MLLT10: variants seen among roughly 807,000 people sequenced by gnomAD.
The protein encoded by MLLT10 is protein AF-10.
In MLLT10, 30 loss-of-function variants were observed where a neutral mutation model predicts 129.1. The observed-to-expected ratio is 0.23, with a 90% CI of 0.17 to 0.32. The LOEUF (loss-of-function observed/expected upper bound fraction) is 0.32. Ranked by LOEUF, MLLT10 falls within the 10% of genes least tolerant of loss-of-function variation. The probability of loss-of-function intolerance (pLI) is 1.00; values close to 1 mark genes in which losing one functional copy is unlikely to be tolerated. For missense variants in MLLT10, 1,119 were observed against 1,268.3 expected (o/e 0.88, Z 1.79); for synonymous variants, 490 against 446.4 (o/e 1.10, Z -1.23).
rs1158292006 is a variant in MLLT10, at chr10:21,614,078, T to C, written c.510-753T>C. On this transcript the variant is annotated intron_variant, in intron 6 of 22. Coordinates refer to ENST00000307729, the MANE Select transcript of MLLT10 (RefSeq NM_001195626.3). ...AAAAATAAAAACAAAATTAGCCAGG[T>C]GTGATGGTGTACTCCTGTAGTCCCA... 2.0e-5 allele frequency among the ~76,000 whole-genome samples: 3 copies of C among 150,940 alleles called. No homozygotes were observed. The East Asian group carries it at 5.9e-4, about 30-fold the overall frequency.
rs185410235 is a variant in MLLT10, at chr10:21,617,865, A to T, written c.699+658A>T. Among the ~76,000 whole-genome samples, 15 of 152,312 alleles carry T rather than the reference A, an allele frequency of 9.8e-5. No homozygotes were observed. The East Asian group carries it at 2.9e-3, about 29-fold the overall frequency. On this transcript the variant is annotated intron_variant, in intron 8 of 22. Transcript: ENST00000307729. ...GTTCTTTAATATGTTCTTTAAGAAC[A>T]TATTGCCATTAGCTGAGCATGGTGG...
chr10:21,563,937 C>T (rs1292406442), intron 3 of MLLT10, among the ~76,000 whole-genome samples: 4 of 151,964 alleles, frequency 2.6e-5, no homozygotes, highest in Admixed American at 2.0e-4. Flanking sequence ...CTCAGCCTCC[C>T]GAGTAGCTGG....
chr10:21,538,529 A>G (rs923350851), intron 2 of MLLT10, among the ~76,000 whole-genome samples: 3 of 150,776 alleles, frequency 2.0e-5, no homozygotes, highest in African/African-American at 7.3e-5. Flanking sequence ...CTGTTCTGGA[A>G]CTCCTGGGCT....
At chr10:21,703,406 C>T (rs2055121066) in intron 13 of MLLT10, among the ~76,000 whole-genome samples, 1 of 151,812 alleles carries the variant, frequency 6.6e-6, no homozygotes. Context: ...GACTGGATAC[C>T]TTTCTCTTGT....
chr10:21,612,242 A>G, intron 5 of MLLT10, 106 bp from the exon 6 acceptor site: 1 of 583,618 alleles, frequency 1.7e-6, no homozygotes, highest in Non-Finnish European at 3.0e-6. Flanking sequence ...TTGAGTTAAG[A>G]TAGGTTACTT....
chr10:21,727,088 T>TAGCAGTTCACCAAGAATGGATCA (rs2057573944), intron 15 of MLLT10, among the ~76,000 whole-genome samples: 1 of 152,160 alleles, frequency 6.6e-6, no homozygotes, highest in African/African-American at 2.4e-5. Context: ...GGAATGGATT[T>TAGCAGTTCACCAAGAATGGATCA]AGCAGTTCAC....
chr10:21,650,524 G>A (rs1486581146), intron 8 of MLLT10, among the ~76,000 whole-genome samples: 2 of 151,894 alleles, frequency 1.3e-5, no homozygotes, highest in African/African-American at 2.4e-5. Context: ...TATGCATTGT[G>A]TTCTGCTTGT....
intron 13 of MLLT10, among the ~76,000 whole-genome samples, chr10:21,687,820 C>T (rs192923494): frequency 1.5e-4 from 23 of 151,922 alleles, no homozygotes; most frequent in African/African-American, 5.5e-4. Context: ...TGGTAAGGAG[C>T]TATGATGAGT....
At position 21,624,866 on chromosome 10, in the gene MLLT10, C is replaced by A; in HGVS notation, c.699+7659C>A. 5 of 1,126,286 alleles carry A rather than the reference C, an allele frequency of 4.4e-6. 1 individual carries two copies. Among genetic ancestry groups the A allele is most frequent in the Non-Finnish European group, 6.6e-6 (5 of 762,228 alleles). The allele number at this position is 1,126,286 out of a possible 1,614,324, so 69.8% of individuals were successfully genotyped here. On this transcript the variant is annotated intron_variant, in intron 8 of 22. Transcript: ENST00000307729. Reference sequence around the variant, plus strand: ...GTTGTGCAGGACCCCCTCTGCCACCCCTACAGCCTCGTGGTGGTCCCAAAG... The same window carrying A: ...GTTGTGCAGGACCCCCTCTGCCACCACTACAGCCTCGTGGTGGTCCCAAAG...
chr10:21,594,553 CAAAA>C (rs34844830), intron 4 of MLLT10, among the ~76,000 whole-genome samples: 4 of 57,526 alleles, frequency 7.0e-5, no homozygotes, highest in East Asian at 6.0e-4. Context: ...AACTCTGTCT[CAAAA>C]AAAAAAAAAA....
At chr10:21,607,560 A>T (rs889758703) in intron 5 of MLLT10, among the ~76,000 whole-genome samples, 2 of 152,202 alleles carry the variant, frequency 1.3e-5, no homozygotes, top group Middle Eastern at 3.4e-3. Flanking sequence ...ACCCCAGGTG[A>T]TCCGCCCACC....
intron 8 of MLLT10, among the ~76,000 whole-genome samples, chr10:21,629,090 T>A (rs2046761036): frequency 6.6e-6 from 1 of 151,112 alleles, no homozygotes; most frequent in Admixed American, 6.6e-5. Context: ...GTTGACAGTT[T>A]GGTGGCTGCC....
intron 8 of MLLT10, among the ~76,000 whole-genome samples, chr10:21,631,414 CTG>C (rs1223286208): frequency 2.0e-5 from 3 of 149,096 alleles, no homozygotes; most frequent in Admixed American, 1.3e-4. Flanking sequence ...TGAACTATGT[CTG>C]ACTACGAAGT....
At chr10:21,737,572 T>C (rs2058476586) in intron 21 of MLLT10, among the ~76,000 whole-genome samples, 1 of 152,168 alleles carries the variant, frequency 6.6e-6, no homozygotes, top group Non-Finnish European at 1.5e-5. Flanking sequence ...TCAGTGCTTC[T>C]GATTTTCTTA....
chr10:21,584,802 G>A (rs1219817130), intron 3 of MLLT10, among the ~76,000 whole-genome samples: 3 of 151,326 alleles, frequency 2.0e-5, no homozygotes, highest in Non-Finnish European at 4.4e-5. Context: ...TATATAATGT[G>A]TGTGTTTATA....
chr10:21,535,329 G>A (rs1588730802), intron 2 of MLLT10, among the ~76,000 whole-genome samples: 1 of 152,126 alleles, frequency 6.6e-6, no homozygotes, highest in Non-Finnish European at 1.5e-5. Context: ...TGCCTCTTTA[G>A]ATGGGGAGGG....
chr10:21,592,429 A>G (rs756342216), intron 4 of MLLT10, among the ~76,000 whole-genome samples: 16 of 145,806 alleles, frequency 1.1e-4, no homozygotes, highest in Non-Finnish European at 2.4e-4. Context: ...TCTTTCCCTT[A>G]GTTTTCTGTA....
chr10:21,717,888 TCTCCTC>T (rs1197942786), intron 14 of MLLT10, among the ~76,000 whole-genome samples: 52 of 75,990 alleles, frequency 6.8e-4, no homozygotes, highest in South Asian at 3.2e-3. Context: ...TCCTCCTCCT[TCTCCTC>T]CTCCTCCTCC....
intron 5 of MLLT10, among the ~76,000 whole-genome samples, chr10:21,609,720 ATTGTT>A (rs1383196708): frequency 2.6e-5 from 4 of 152,122 alleles, no homozygotes; most frequent in Admixed American, 2.6e-4. Context: ...ACAAGTGTCC[ATTGTT>A]TTGTTTTTTC....
Sources: gnomAD v4.1 joint callset for allele counts (sites outside exome capture counted in the v4.1 genomes callset) on GRCh38, gnomAD v4.1.1 for gene constraint, MANE v1.5 for transcripts, NCBI Gene and HGNC (gene_info 2026-07-23, HGNC 2026-07-21) for gene names.